CACNB4: variants seen among roughly 807,000 people sequenced by gnomAD.
The protein encoded by CACNB4 is voltage-dependent L-type calcium channel subunit beta-4.
A neutral mutation model predicts 71.2 loss-of-function variants in CACNB4; 32 were observed. The observed-to-expected ratio is 0.45, with a 90% CI of 0.34 to 0.60. The LOEUF is 0.60. Ranked by LOEUF, CACNB4 falls within the 20% of genes least tolerant of loss-of-function variation. The pLI is 0.01. For synonymous variants in CACNB4, 231 were observed against 236.9 expected (o/e 0.97, Z 0.23); for missense variants, 464 against 647.9 (o/e 0.72, Z 3.08).
intron 2 of CACNB4, among the ~76,000 whole-genome samples, chr2:151,989,378 C>T (rs1052211749): frequency 2.6e-5 from 4 of 152,190 alleles, no homozygotes; most frequent in Non-Finnish European, 5.9e-5. Context: ...TTATCTCTAT[C>T]TCTGACTCAA....
chr2:152,044,334 C>T (rs1685030864), intron 2 of CACNB4, among the ~76,000 whole-genome samples: 1 of 152,164 alleles, frequency 6.6e-6, no homozygotes, highest in Non-Finnish European at 1.5e-5. Flanking sequence ...AATTCTCCTG[C>T]CTCAGTCTCC....
chr2:152,010,257 A>G (rs1682980922), intron 2 of CACNB4, among the ~76,000 whole-genome samples: 2 of 152,348 alleles, frequency 1.3e-5, no homozygotes, highest in South Asian at 4.1e-4. Flanking sequence ...ACAGGTAGTC[A>G]TAATAAAGTT....
In CACNB4 at chr2:151,842,091, G is replaced by A. The variant is rs959163622; in HGVS notation, c.1117-3C>T. The A allele has an allele frequency of 6.2e-7, 1 of 1,612,866 alleles. No individual in the cohort carries two copies. Among genetic ancestry groups the A allele is most frequent in the Non-Finnish European group, 8.5e-7 (1 of 1,179,180 alleles). On this transcript the variant is annotated splice_polypyrimidine_tract_variant and splice_region_variant and intron_variant, in intron 12 of 13. Coordinates refer to ENST00000539935, the MANE Select transcript of CACNB4 (RefSeq NM_000726.5). ...TCCAATATAACATCAAACATTTCCT[G>A]TAGATGACAAGAAAATCCACTTTAC...
At chr2:151,882,210 G>C (rs1395109017) in intron 3 of CACNB4, among the ~76,000 whole-genome samples, 3 of 38,830 alleles carry the variant, frequency 7.7e-5, no homozygotes, top group Non-Finnish European at 1.5e-4. Flanking sequence ...TTTTTTTTTG[G>C]TAGGGTTTTG....
At chr2:151,854,530 GATT>G (rs2099839788) in intron 11 of CACNB4, 1 of 152,166 alleles carries the variant, frequency 6.6e-6, no homozygotes, top group Non-Finnish European at 1.5e-5. Context: ...AGAAGAAACT[GATT>G]ATTAAGATAG....
intron 2 of CACNB4, among the ~76,000 whole-genome samples, chr2:151,960,337 GGCCGCTGGCACAGTTCTGTAA>G (rs1021318009): frequency 6.6e-6 from 1 of 152,080 alleles, no homozygotes; most frequent in Non-Finnish European, 1.5e-5. Flanking sequence ...TCTCTCTTGT[GGCCGCTGGCACAGTTCTGTAA>G]GCATAAGGAC....
chr2:152,061,517 A>G (rs1480889950), intron 2 of CACNB4, among the ~76,000 whole-genome samples: 2 of 152,130 alleles, frequency 1.3e-5, no homozygotes, highest in African/African-American at 4.8e-5. Flanking sequence ...GAGCCTCCCA[A>G]AACTTTGTGA....
chr2:151,952,412 C>G (rs2099867139), intron 2 of CACNB4, among the ~76,000 whole-genome samples: 1 of 152,142 alleles, frequency 6.6e-6, no homozygotes, highest in African/African-American at 2.4e-5. Context: ...CATGCACAAT[C>G]TAGAAAAGAC....
At chr2:152,048,567 G>A (rs1172500744) in intron 2 of CACNB4, 2 of 152,266 alleles carry the variant, frequency 1.3e-5, no homozygotes, top group African/African-American at 4.8e-5. Flanking sequence ...CTAGCACTTT[G>A]TTGGCCACCT....
chr2:152,032,928 C>T (rs983131989), intron 2 of CACNB4, among the ~76,000 whole-genome samples: 1 of 151,492 alleles, frequency 6.6e-6, no homozygotes, highest in East Asian at 1.9e-4. Flanking sequence ...CACTCCAGCC[C>T]GGGCAATAGA....
intron 3 of CACNB4, 49 bp from the exon 4 acceptor site, chr2:151,880,971 G>A (rs2099847673): frequency 1.3e-6 from 2 of 1,528,978 alleles, no homozygotes; most frequent in South Asian, 2.6e-5. Flanking sequence ...GGAGAGAGGA[G>A]CATTTTTCAT....
chr2:151,921,986 G>A (rs183431450), intron 2 of CACNB4, among the ~76,000 whole-genome samples: 6 of 152,194 alleles, frequency 3.9e-5, no homozygotes, highest in Non-Finnish European at 7.4e-5. Context: ...AAACTACCCA[G>A]TCTCAGGTAG....
At chr2:151,986,490 C>T (rs1681377282) in intron 2 of CACNB4, among the ~76,000 whole-genome samples, 1 of 152,164 alleles carries the variant, frequency 6.6e-6, no homozygotes, top group African/African-American at 2.4e-5. Context: ...CCCAATCCCA[C>T]TCCCATCTCT....
chr2:151,944,466 T>C (rs746576943), intron 2 of CACNB4, among the ~76,000 whole-genome samples: 1 of 152,054 alleles, frequency 6.6e-6, no homozygotes, highest in Admixed American at 6.6e-5. Context: ...AAAGAGAGTA[T>C]AGGTATTAAA....
chr2:152,075,321 C>T (rs1304818996), intron 2 of CACNB4, among the ~76,000 whole-genome samples: 1 of 152,150 alleles, frequency 6.6e-6, no homozygotes, highest in African/African-American at 2.4e-5. Context: ...TAAGTCACAA[C>T]CAAGTCCTTG....
chr2:152,013,144 G>A (rs149090636), intron 2 of CACNB4, among the ~76,000 whole-genome samples: 1 of 152,300 alleles, frequency 6.6e-6, no homozygotes, highest in East Asian at 1.9e-4. Context: ...GTGTGTGGTA[G>A]GCTACACCAT....
chr2:152,072,260 A>T (rs2105375705), intron 2 of CACNB4, among the ~76,000 whole-genome samples: 1 of 152,350 alleles, frequency 6.6e-6, no homozygotes, highest in African/African-American at 2.4e-5. Flanking sequence ...AAGAATGGGG[A>T]CCATCATTCC....
intron 2 of CACNB4, among the ~76,000 whole-genome samples, chr2:152,004,311 T>C (rs949534822): frequency 3.3e-5 from 5 of 152,014 alleles, no homozygotes; most frequent in African/African-American, 1.2e-4. Context: ...CACTACCTAG[T>C]CCCTTCCAAG....
chr2:152,023,714 C>T lies in CACNB4; in HGVS notation c.147+74616G>A, dbSNP rs181808406. ...CCTACCAAAGTGCTGGGATTACAGG[C>T]GTGAGCCACCACACCCAGCCAGTAA... On this transcript the variant is annotated intron_variant, in intron 2 of 13. Coordinates refer to ENST00000539935, the MANE Select transcript of CACNB4 (RefSeq NM_000726.5). Among the ~76,000 whole-genome samples, 593 of 152,312 alleles carry T rather than the reference C, an allele frequency of 3.9e-3. 7 individuals carry two copies. The highest frequency in any genetic ancestry group is 0.014 in the African/African-American group (571 of 41,560).
Sources: allele counts gnomAD v4.1 joint callset (sites outside exome capture counted in the v4.1 genomes callset), GRCh38; gene constraint gnomAD v4.1.1; transcripts MANE v1.5; gene names NCBI Gene and HGNC (gene_info 2026-07-23, HGNC 2026-07-21).